The following GALNT13 variants were observed in gnomAD, a reference collection of about 807,000 sequenced individuals.
The protein encoded by GALNT13 is UDP-GalNAc:polypeptide N-acetylgalactosaminyltransferase 13.
Under a neutral mutation model 64.2 loss-of-function variants are expected in GALNT13, and 28 were observed. The ratio of observed to expected loss-of-function variants is 0.44; its 90% CI spans 0.32 to 0.60. The LOEUF (loss-of-function observed/expected upper bound fraction) is 0.60. GALNT13 is among the 20% of genes least tolerant of loss of function. The pLI is 0.05. For missense variants in GALNT13, 577 were observed against 669.8 expected (o/e 0.86, Z 1.53); for synonymous variants, 214 against 224.6 (o/e 0.95, Z 0.42).
the GALNT13 span, among the ~76,000 whole-genome samples, chr2:153,682,114 A>G: frequency 1.3e-4 from 20 of 151,818 alleles, no homozygotes; most frequent in African/African-American, 4.6e-4. Flanking sequence ...ACTTTGGAGA[A>G]TTTTGTTGAG....
At chr2:153,220,911 A>G in the GALNT13 span, among the ~76,000 whole-genome samples, 1 of 152,212 alleles carries the variant, frequency 6.6e-6, no homozygotes, top group African/African-American at 2.4e-5. Context: ...CACTGTCCTC[A>G]CTTATAAGTA....
the GALNT13 span, among the ~76,000 whole-genome samples, chr2:153,509,015 G>C: frequency 6.6e-6 from 1 of 152,240 alleles, no homozygotes; most frequent in Non-Finnish European, 1.5e-5. Flanking sequence ...TTGGCAGGCA[G>C]TTTAAGGTTT....
At chr2:153,346,400 A>G in the GALNT13 span, among the ~76,000 whole-genome samples, 1 of 152,178 alleles carries the variant, frequency 6.6e-6, no homozygotes, top group Admixed American at 6.5e-5. Flanking sequence ...AATCATAGAT[A>G]ATGGAGTGGT....
At chr2:153,139,941 T>C in the GALNT13 span, among the ~76,000 whole-genome samples, 5 of 151,954 alleles carry the variant, frequency 3.3e-5, no homozygotes, top group African/African-American at 1.2e-4. Context: ...TAAATAGGAG[T>C]GACCAGATCA....
At chr2:153,912,750 TCTGG>T (rs1054006101) in intron 2 of GALNT13, among the ~76,000 whole-genome samples, 14 of 152,340 alleles carry the variant, frequency 9.2e-5, no homozygotes, top group African/African-American at 3.1e-4. Flanking sequence ...GGCTTTGTTT[TCTGG>T]CCCCTCATGG....
At chr2:153,090,720 G>A in the GALNT13 span, among the ~76,000 whole-genome samples, 1 of 152,136 alleles carries the variant, frequency 6.6e-6, no homozygotes, top group Non-Finnish European at 1.5e-5. Flanking sequence ...CCCAGGGCAG[G>A]TAGAGAAATA....
the GALNT13 span, among the ~76,000 whole-genome samples, chr2:153,711,389 CT>C: frequency 1.3e-5 from 2 of 152,064 alleles, no homozygotes; most frequent in African/African-American, 2.4e-5. Context: ...ATAATAAAAG[CT>C]ACTGTATACT....
intron 4 of GALNT13, among the ~76,000 whole-genome samples, chr2:154,149,718 G>A (rs571380251): frequency 6.6e-6 from 1 of 152,088 alleles, no homozygotes; most frequent in East Asian, 1.9e-4. Context: ...TCATGATTTG[G>A]CTCTCTGTTT....
At chr2:153,861,382 C>T in the GALNT13 span, among the ~76,000 whole-genome samples, 3 of 152,120 alleles carry the variant, frequency 2.0e-5, no homozygotes, top group South Asian at 6.2e-4. Context: ...AGTTTGTGGA[C>T]CCTTGGCCTG....
chr2:154,294,322 C>A (rs2105968407), intron 8 of GALNT13, among the ~76,000 whole-genome samples: 3 of 152,306 alleles, frequency 2.0e-5, no homozygotes, highest in Middle Eastern at 6.8e-3. Context: ...TGTATATGTA[C>A]ATAAAAATGT....
chr2:153,255,524 G>T, the GALNT13 span, among the ~76,000 whole-genome samples: 3 of 151,318 alleles, frequency 2.0e-5, no homozygotes, highest in Admixed American at 6.6e-5. Context: ...GATGTTAGCT[G>T]GTTATTTTGC....
intron 9 of GALNT13, among the ~76,000 whole-genome samples, chr2:154,394,077 C>CAAAAAAAAAAAAAA (rs369267777): frequency 6.2e-5 from 2 of 32,008 alleles, no homozygotes; most frequent in East Asian, 1.3e-3. Context: ...GACTCCGTCT[C>CAAAAAAAAAAAAAA]AAAAAAAAAA....
At chr2:153,890,193 G>A (rs567488275) in intron 1 of GALNT13, among the ~76,000 whole-genome samples, 1 of 151,864 alleles carries the variant, frequency 6.6e-6, no homozygotes, top group Non-Finnish European at 1.5e-5. Context: ...TGTTCCAAAT[G>A]TATGAATCAT....
intron 3 of GALNT13, among the ~76,000 whole-genome samples, chr2:153,963,873 A>G (rs1194574680): frequency 1.3e-5 from 2 of 151,862 alleles, no homozygotes; most frequent in African/African-American, 4.8e-5. Flanking sequence ...ACTTTTCTAA[A>G]TGAGGTCTAT....
At chr2:154,152,493 G>A (rs1208174885) in intron 4 of GALNT13, among the ~76,000 whole-genome samples, 1 of 152,068 alleles carries the variant, frequency 6.6e-6, no homozygotes, top group Non-Finnish European at 1.5e-5. Context: ...GCTAGATTGG[G>A]GAAGTTCTCC....
chr2:154,185,849 C>T (rs1466980799), intron 4 of GALNT13, among the ~76,000 whole-genome samples: 1 of 152,010 alleles, frequency 6.6e-6, no homozygotes, highest in African/African-American at 2.4e-5. Flanking sequence ...ACTTTCTATA[C>T]TCTGCCGTAT....
the GALNT13 span, among the ~76,000 whole-genome samples, chr2:153,350,384 CT>C: frequency 0.11 from 14,741 of 129,788 alleles, 748 homozygotes; most frequent in Middle Eastern, 0.16. Context: ...TTCTTTCTTT[CT>C]TTTTTTTTTT....
At chr2:153,328,001 G>A in the GALNT13 span, among the ~76,000 whole-genome samples, 1 of 152,092 alleles carries the variant, frequency 6.6e-6, no homozygotes, top group African/African-American at 2.4e-5. Context: ...TTTTGTTGAT[G>A]TTGATGCTAC....
At chr2:153,653,784 G>C in the GALNT13 span, among the ~76,000 whole-genome samples, 1 of 151,864 alleles carries the variant, frequency 6.6e-6, no homozygotes, top group Non-Finnish European at 1.5e-5. Context: ...CATTTTTTCT[G>C]CCTATCTTAT....
Sources: allele counts gnomAD v4.1 joint callset (sites outside exome capture counted in the v4.1 genomes callset), GRCh38; gene constraint gnomAD v4.1.1; transcripts MANE v1.5; gene names NCBI Gene and HGNC (gene_info 2026-07-23, HGNC 2026-07-21).